FSTL4: variants seen among roughly 807,000 people sequenced by gnomAD.
FSTL4 encodes the protein follistatin like 4.
Under a neutral mutation model 78.2 loss-of-function variants are expected in FSTL4, and 28 were observed. The ratio of observed to expected loss-of-function variants is 0.36; its 90% CI spans 0.27 to 0.49. The LOEUF (loss-of-function observed/expected upper bound fraction) is 0.49, where lower values mean the gene tolerates loss of function less well. Ranked by LOEUF, FSTL4 falls within the 20% of genes least tolerant of loss-of-function variation. The pLI is 0.98. For synonymous variants in FSTL4, 422 were observed against 440.5 expected (o/e 0.96, Z 0.53); for missense variants, 922 against 1,084.9 (o/e 0.85, Z 2.11).
Position 133,256,312 on chromosome 5 carries a change from A to C in FSTL4, c.728-6736T>G, listed in dbSNP as rs140134808. Among the ~76,000 whole-genome samples, 956 of 152,308 alleles carry C rather than the reference A, an allele frequency of 6.3e-3. 4 individuals carry two copies. Among genetic ancestry groups the C allele is most frequent in the Non-Finnish European group, 9.8e-3 (664 of 68,032 alleles). ...AAACCCCTCAGGTGACCTAGGTGCC[A>C]CCAAAGAAGCTGGGGCATTGGAGTG... On this transcript the variant is annotated intron_variant, in intron 6 of 15. Coordinates refer to ENST00000265342, the MANE Select transcript of FSTL4 (RefSeq NM_015082.2).
At chr5:133,637,936 G>A in the FSTL4 span, among the ~76,000 whole-genome samples, 4 of 143,214 alleles carry the variant, frequency 2.8e-5, no homozygotes, top group East Asian at 6.1e-4. Flanking sequence ...GTAAGACTCC[G>A]TCTCAAAAAT....
the FSTL4 span, among the ~76,000 whole-genome samples, chr5:133,803,312 T>C: frequency 6.6e-6 from 1 of 152,152 alleles, no homozygotes; most frequent in Non-Finnish European, 1.5e-5. Context: ...TCCAACTCCA[T>C]GCCAAGTGTC....
chr5:133,494,179 C>T (rs10035597), intron 3 of FSTL4, among the ~76,000 whole-genome samples: 1,904 of 152,192 alleles, frequency 0.013, 40 homozygotes, highest in African/African-American at 0.044. Context: ...ACACCTACTG[C>T]GTGCTTAATA....
At chr5:133,809,094 G>A in the FSTL4 span, among the ~76,000 whole-genome samples, 2,495 of 151,990 alleles carry the variant, frequency 0.016, 81 homozygotes, top group African/African-American at 0.056. Flanking sequence ...GGCCAGGTGC[G>A]GTGGCTCACG....
intron 3 of FSTL4, among the ~76,000 whole-genome samples, chr5:133,558,970 C>T (rs1412830870): frequency 2.6e-5 from 4 of 152,014 alleles, no homozygotes; most frequent in Non-Finnish European, 5.9e-5. Flanking sequence ...GGCTCTGCTC[C>T]AGCTGAAGCA....
chr5:133,210,400 G>C (rs758513942), intron 13 of FSTL4, 102 bp from the exon 14 acceptor site: 18 of 609,110 alleles, frequency 3.0e-5, no homozygotes, highest in Middle Eastern at 3.8e-4. Flanking sequence ...AGCCAGTCTA[G>C]AAGCCTTGCC....
chr5:133,202,003 T>G lies in FSTL4; in HGVS notation c.1756A>C (p.Ile586Leu). The G allele has an allele frequency of 6.2e-7, 1 of 1,612,468 alleles. No individual in the cohort carries two copies. The highest frequency in any genetic ancestry group is 1.1e-5 in the South Asian group (1 of 90,782). ...EASTGQSQHLIRTPFAGVDDF... is the reference protein window; with the variant it reads ...EASTGQSQHLLRTPFAGVDDF... ...TCCACTCCTGCAAAGGGTGTGCGGATGAGGTGCTGGCTCTGGCCGGTGCTG... is the reference window on the plus strand; with the variant it reads ...TCCACTCCTGCAAAGGGTGTGCGGAGGAGGTGCTGGCTCTGGCCGGTGCTG... Residue 586 changes from isoleucine to leucine, a missense_variant, in exon 15 of 16, where the codon ATC becomes CTC. Coordinates refer to ENST00000265342, the MANE Select transcript of FSTL4 (RefSeq NM_015082.2).
At chr5:133,291,202 T>G (rs1319423086) in intron 6 of FSTL4, among the ~76,000 whole-genome samples, 1 of 152,114 alleles carries the variant, frequency 6.6e-6, no homozygotes, top group Admixed American at 6.5e-5. Flanking sequence ...TGAGTCACAC[T>G]AAGTGTGTGG....
At chr5:133,717,342 A>G in the FSTL4 span, among the ~76,000 whole-genome samples, 1 of 152,268 alleles carries the variant, frequency 6.6e-6, no homozygotes, top group South Asian at 2.1e-4. Context: ...CTCCAGGACA[A>G]TACTAGTATT....
intron 11 of FSTL4, among the ~76,000 whole-genome samples, chr5:133,221,703 G>A (rs1364498438): frequency 1.3e-5 from 2 of 152,012 alleles, no homozygotes; most frequent in African/African-American, 4.8e-5. Flanking sequence ...CTCTATAAAG[G>A]GGGAACAAGG....
intron 3 of FSTL4, among the ~76,000 whole-genome samples, chr5:133,467,184 G>A (rs1347832652): frequency 1.3e-5 from 2 of 151,356 alleles, no homozygotes; most frequent in Non-Finnish European, 2.9e-5. Context: ...GTGGGAGTAT[G>A]CGTGTATGTG....
chr5:133,417,196 T>G (rs1343991820), intron 3 of FSTL4, among the ~76,000 whole-genome samples: 1 of 152,170 alleles, frequency 6.6e-6, no homozygotes, highest in African/African-American at 2.4e-5. Flanking sequence ...AAGCCTTTAG[T>G]AGAACTGATA....
rs957726918 is a variant in FSTL4 at position 133,548,110 on chromosome 5, C to G, written c.160+19076G>C. On this transcript the variant is annotated intron_variant, in intron 3 of 15. Coordinates refer to ENST00000265342, the MANE Select transcript of FSTL4 (RefSeq NM_015082.2). ...CTCCCAGACCTTGCTCTATGTATTTCTTCATTTGGCTTCATCTGTGTCATT... is the reference window on the plus strand; with the variant it reads ...CTCCCAGACCTTGCTCTATGTATTTGTTCATTTGGCTTCATCTGTGTCATT... Among the ~76,000 whole-genome samples, 13 of 152,262 alleles carry G rather than the reference C, an allele frequency of 8.5e-5. No individual in the cohort carries two copies. The South Asian group carries it at 2.5e-3, about 29-fold the overall frequency.
chr5:133,358,314 G>T (rs1754985367), intron 4 of FSTL4, among the ~76,000 whole-genome samples: 1 of 152,166 alleles, frequency 6.6e-6, no homozygotes, highest in African/African-American at 2.4e-5. Flanking sequence ...GGAGGAGGAA[G>T]CAGCATCCTG....
intron 2 of FSTL4, among the ~76,000 whole-genome samples, chr5:133,579,125 A>G (rs1002186559): frequency 2.0e-5 from 3 of 152,158 alleles, no homozygotes; most frequent in Non-Finnish European, 1.5e-5. Context: ...CTTAACCCCA[A>G]AAGCAATGGT....
At chr5:133,682,191 G>A in the FSTL4 span, among the ~76,000 whole-genome samples, 61,647 of 152,024 alleles carry the variant, frequency 0.41, 14,689 homozygotes, top group African/African-American at 0.68. Context: ...ACCCTATTCA[G>A]ACATGACATC....
At chr5:133,627,996 A>G in the FSTL4 span, among the ~76,000 whole-genome samples, 1 of 152,170 alleles carries the variant, frequency 6.6e-6, no homozygotes, top group African/African-American at 2.4e-5. Flanking sequence ...CCACACAACT[A>G]CATGGAAACT....
intron 3 of FSTL4, among the ~76,000 whole-genome samples, chr5:133,413,332 T>A (rs138952735): frequency 3.2e-4 from 48 of 152,284 alleles, no homozygotes; most frequent in African/African-American, 1.1e-3. Flanking sequence ...GTGTAATTAC[T>A]CTTATGTTCG....
At chr5:133,454,737 T>C (rs1316426023) in intron 3 of FSTL4, among the ~76,000 whole-genome samples, 4 of 152,198 alleles carry the variant, frequency 2.6e-5, no homozygotes. Flanking sequence ...AATTTGTCTG[T>C]TCTGAATACC....
Sources: allele counts gnomAD v4.1 joint callset (sites outside exome capture counted in the v4.1 genomes callset), GRCh38; gene constraint gnomAD v4.1.1; transcripts MANE v1.5; gene names NCBI Gene and HGNC (gene_info 2026-07-23, HGNC 2026-07-21).